Variants in SEMA5A observed in about 807,000 individuals in gnomAD.
SEMA5A encodes the protein semaphorin-5A.
Under a neutral mutation model 135.5 loss-of-function variants are expected in SEMA5A, and 55 were observed. That is an observed-to-expected ratio of 0.41 (90% CI 0.33 to 0.51). The LOEUF (loss-of-function observed/expected upper bound fraction) is 0.51, where lower values mean the gene tolerates loss of function less well. Among genes scored for constraint, SEMA5A ranks in the 20% least tolerant of loss-of-function variants. The probability of loss-of-function intolerance (pLI) is 0.37; values close to 1 mark genes in which losing one functional copy is unlikely to be tolerated. For missense variants in SEMA5A, 1,290 were observed against 1,419.9 expected, an observed-to-expected ratio of 0.91 and a Z score of 1.47; for synonymous variants, 580 against 546.5, an observed-to-expected ratio of 1.06 and a Z score of -0.85.
chr5:9,509,479 T>C (rs1274919219), intron 1 of SEMA5A, among the ~76,000 whole-genome samples: 1 of 151,916 alleles, frequency 6.6e-6, no homozygotes, highest in Middle Eastern at 3.2e-3. Context: ...TTCATCATAT[T>C]GGTCAGGCTG....
rs201202346 is a variant in SEMA5A at position 9,303,431 on chromosome 5, A to G, written c.270+14941T>C. Among the ~76,000 whole-genome samples, 15 of 152,314 alleles carry G rather than the reference A, an allele frequency of 9.8e-5. No individual in the cohort carries two copies. The East Asian group carries it at 2.9e-3, about 29-fold the overall frequency. ...AAGAACTTGAGGATAGATTCAAAGA[A>G]TGCCTGAACTTCATATTTCTTCACC... On this transcript the variant is annotated intron_variant, in intron 5 of 22. Transcript: ENST00000382496.
chr5:9,167,034 T>A (rs144425575), intron 11 of SEMA5A, among the ~76,000 whole-genome samples: 2 of 152,284 alleles, frequency 1.3e-5, no homozygotes, highest in East Asian at 1.9e-4. Flanking sequence ...TAGTTGTCAA[T>A]TGAGATGGTT....
At chr5:9,119,239 T>A in intron 14 of SEMA5A, 98 bp from the exon 15 acceptor site, 5 of 1,433,926 alleles carry the variant, frequency 3.5e-6, no homozygotes, top group South Asian at 1.2e-5. Flanking sequence ...CTCAGGAGGA[T>A]CACGCTTGGG....
intron 2 of SEMA5A, among the ~76,000 whole-genome samples, chr5:9,408,263 C>A (rs1031666118): frequency 6.6e-6 from 1 of 152,174 alleles, no homozygotes; most frequent in Middle Eastern, 3.2e-3. Flanking sequence ...AATACTATAA[C>A]CCTGCATTGG....
At chr5:9,505,186 C>T (rs1165269270) in intron 1 of SEMA5A, among the ~76,000 whole-genome samples, 1 of 152,000 alleles carries the variant, frequency 6.6e-6, no homozygotes, top group East Asian at 1.9e-4. Flanking sequence ...CAATGATAAG[C>T]TGATTTCATA....
chr5:9,245,160 G>T (rs889008667), intron 5 of SEMA5A, among the ~76,000 whole-genome samples: 3 of 152,120 alleles, frequency 2.0e-5, no homozygotes, highest in African/African-American at 7.2e-5. Flanking sequence ...ATTCTGAGTA[G>T]CATGGTGAAA....
intron 1 of SEMA5A, among the ~76,000 whole-genome samples, chr5:9,439,798 C>G (rs1455132512): frequency 2.0e-5 from 3 of 152,238 alleles, no homozygotes; most frequent in Non-Finnish European, 4.4e-5. Context: ...GACTCCAAAA[C>G]CCAGCCCCTT....
intron 2 of SEMA5A, among the ~76,000 whole-genome samples, chr5:9,408,493 T>A (rs143599656): frequency 4.5e-4 from 69 of 152,294 alleles, no homozygotes; most frequent in African/African-American, 1.5e-3. Flanking sequence ...AAATACTGAA[T>A]TGCTCACAAA....
At chr5:9,295,525 G>A (rs1751294078) in intron 5 of SEMA5A, among the ~76,000 whole-genome samples, 1 of 152,144 alleles carries the variant, frequency 6.6e-6, no homozygotes, top group African/African-American at 2.4e-5. Flanking sequence ...AGTGACTGGG[G>A]AGAAGGACGA....
chr5:9,100,513 G>A (rs1009386365), intron 16 of SEMA5A, among the ~76,000 whole-genome samples: 3 of 152,102 alleles, frequency 2.0e-5, no homozygotes, highest in African/African-American at 7.2e-5. Context: ...GCATTTACAG[G>A]CTTCTCAGAA....
chr5:9,055,957 C>A (rs1183770741), intron 18 of SEMA5A, among the ~76,000 whole-genome samples: 1 of 151,894 alleles, frequency 6.6e-6, no homozygotes, highest in Admixed American at 6.6e-5. Flanking sequence ...CTGTTTGTAA[C>A]CTAAATTGGA....
At chr5:9,298,142 T>A (rs1213363669) in intron 5 of SEMA5A, among the ~76,000 whole-genome samples, 1 of 151,998 alleles carries the variant, frequency 6.6e-6, no homozygotes, top group African/African-American at 2.4e-5. Context: ...ACAGAGGTAA[T>A]CAAGTTAAAA....
intron 5 of SEMA5A, among the ~76,000 whole-genome samples, chr5:9,263,074 CA>C (rs1749491173): frequency 6.7e-6 from 1 of 148,932 alleles, no homozygotes; most frequent in African/African-American, 2.5e-5. Flanking sequence ...TCTCTGCCAA[CA>C]AAAAATCGGT....
chr5:9,093,164 GA>G (rs1238546430), intron 16 of SEMA5A, among the ~76,000 whole-genome samples: 1 of 152,134 alleles, frequency 6.6e-6, no homozygotes, highest in African/African-American at 2.4e-5. Flanking sequence ...AACTAAAGTT[GA>G]AGAATGATTG....
intron 2 of SEMA5A, among the ~76,000 whole-genome samples, chr5:9,392,516 G>A (rs545686045): frequency 2.0e-4 from 30 of 152,262 alleles, no homozygotes; most frequent in East Asian, 9.7e-4. Context: ...ATATATTGGC[G>A]AGCTCAATGA....
intron 7 of SEMA5A, among the ~76,000 whole-genome samples, chr5:9,225,266 A>G (rs1747228914): frequency 6.6e-6 from 1 of 152,078 alleles, no homozygotes; most frequent in Non-Finnish European, 1.5e-5. Flanking sequence ...AGAATTATGT[A>G]TAATTGCCTG....
chr5:9,400,992 G>T (rs149159680), intron 2 of SEMA5A, among the ~76,000 whole-genome samples: 8 of 152,086 alleles, frequency 5.3e-5, no homozygotes, highest in African/African-American at 4.8e-5. Context: ...CTGACCTCAG[G>T]AACTCACTCT....
chr5:9,041,075 C>CAAAG lies in SEMA5A; in HGVS notation c.*1818_*1821dup, dbSNP rs1735941441. 6.6e-6 allele frequency: 1 copy of CAAAG among 152,290 alleles called. No homozygotes were observed. Among genetic ancestry groups the CAAAG allele is most frequent in the East Asian group, 1.9e-4 (1 of 5,180 alleles). 9.4% of individuals were successfully genotyped at this position (152,290 alleles called of 1,614,324 possible). A position where few individuals can be genotyped will look rare whatever the true frequency, so the allele number is the denominator to read the frequency against. On this transcript the variant is annotated 3_prime_UTR_variant, in exon 23 of 23. Transcript: ENST00000382496. ...GAGAGGCAACATGAAGTCCCCACTG[C>CAAAG]AAAGACCCTGAATGTCATTAATCCA...
intron 5 of SEMA5A, among the ~76,000 whole-genome samples, chr5:9,304,700 C>A (rs1011715823): frequency 5.3e-5 from 8 of 152,008 alleles, no homozygotes; most frequent in African/African-American, 1.7e-4. Flanking sequence ...TACTTTATCC[C>A]TCTTCCTCCA....
Sources: gnomAD v4.1 joint callset for allele counts (sites outside exome capture counted in the v4.1 genomes callset) on GRCh38, gnomAD v4.1.1 for gene constraint, MANE v1.5 for transcripts, NCBI Gene and HGNC (gene_info 2026-07-23, HGNC 2026-07-21) for gene names.